The following ADAMTS19 variants were observed in gnomAD, a reference collection of about 807,000 sequenced individuals.
The protein encoded by ADAMTS19 is A disintegrin and metalloproteinase with thrombospondin motifs 19.
Under a neutral mutation model 153.3 loss-of-function variants are expected in ADAMTS19, and 93 were observed. The observed-to-expected ratio is 0.61, with a 90% CI of 0.51 to 0.72. ADAMTS19 has a LOEUF of 0.72. Among genes scored for constraint, ADAMTS19 ranks in the 30% least tolerant of loss-of-function variants. The pLI, the probability that ADAMTS19 is intolerant of heterozygous loss-of-function variation, is 0.00. For synonymous variants in ADAMTS19, 600 were observed against 556.6 expected (o/e 1.08, Z -1.10); for missense variants, 1,482 against 1,552.1 (o/e 0.95, Z 0.76).
chr5:129,519,949 T>C (rs578026799), intron 3 of ADAMTS19, among the ~76,000 whole-genome samples: 2 of 152,142 alleles, frequency 1.3e-5, no homozygotes, highest in African/African-American at 4.8e-5. Flanking sequence ...ATATGGTAAG[T>C]AGATTAAGTG....
chr5:129,684,035 A>AAC (rs1754951289), intron 17 of ADAMTS19, 85 bp from the exon 18 acceptor site: 1 of 1,378,728 alleles, frequency 7.3e-7, no homozygotes, highest in Non-Finnish European at 9.9e-7. Context: ...TGAGCATTTT[A>AAC]AGTATCAATA....
intron 7 of ADAMTS19, among the ~76,000 whole-genome samples, chr5:129,575,655 G>A (rs1401409291): frequency 6.6e-6 from 1 of 152,034 alleles, no homozygotes; most frequent in Admixed American, 6.6e-5. Flanking sequence ...AGCTGTTTCT[G>A]TGTAGACTGT....
intron 21 of ADAMTS19, among the ~76,000 whole-genome samples, chr5:129,718,332 T>A (rs1756822908): frequency 6.6e-6 from 1 of 152,088 alleles, no homozygotes; most frequent in African/African-American, 2.4e-5. Context: ...CAAGAAGAGT[T>A]TGAATGTTAG....
At chr5:129,474,432 A>T in intron 2 of ADAMTS19, among the ~76,000 whole-genome samples, 1 of 152,116 alleles carries the variant, frequency 6.6e-6, no homozygotes. Flanking sequence ...GACTGCAATT[A>T]CTAGGTCATA....
chr5:129,504,586 C>T (rs1414102003), intron 2 of ADAMTS19, among the ~76,000 whole-genome samples: 3 of 152,088 alleles, frequency 2.0e-5, no homozygotes, highest in Non-Finnish European at 2.9e-5. Flanking sequence ...GTCACCATGT[C>T]GTGCAGTAAA....
At chr5:129,705,297 G>A (rs1194718348) in intron 21 of ADAMTS19, among the ~76,000 whole-genome samples, 1 of 152,078 alleles carries the variant, frequency 6.6e-6, no homozygotes, top group African/African-American at 2.4e-5. Flanking sequence ...ATGGAGAGGA[G>A]TATAATAGTT....
At chr5:129,566,587 C>G (rs1370515131) in intron 7 of ADAMTS19, among the ~76,000 whole-genome samples, 1 of 152,174 alleles carries the variant, frequency 6.6e-6, no homozygotes, top group African/African-American at 2.4e-5. Context: ...GGATTCAACA[C>G]AGCCCACACT....
intron 8 of ADAMTS19, among the ~76,000 whole-genome samples, chr5:129,615,693 G>T (rs1372270024): frequency 1.3e-5 from 2 of 152,028 alleles, no homozygotes; most frequent in African/African-American, 4.8e-5. Context: ...AGAGCAGGAG[G>T]ACAATCAGGC....
intron 11 of ADAMTS19, among the ~76,000 whole-genome samples, chr5:129,645,228 A>G (rs1561623781): frequency 1.3e-5 from 2 of 152,242 alleles, no homozygotes. Flanking sequence ...TGTTTTCAAC[A>G]ATACATAACT....
At chr5:129,544,151 T>C (rs1009856036) in intron 6 of ADAMTS19, among the ~76,000 whole-genome samples, 1 of 152,214 alleles carries the variant, frequency 6.6e-6, no homozygotes, top group African/African-American at 2.4e-5. Context: ...CTTATACTCA[T>C]GGCTAGCAAC....
intron 7 of ADAMTS19, among the ~76,000 whole-genome samples, chr5:129,583,210 T>C (rs928101159): frequency 6.6e-6 from 1 of 152,210 alleles, no homozygotes; most frequent in African/African-American, 2.4e-5. Context: ...TTGAAAATTC[T>C]TTTCTTCAAG....
At chr5:129,576,286 A>G (rs569792368) in intron 7 of ADAMTS19, among the ~76,000 whole-genome samples, 2 of 151,912 alleles carry the variant, frequency 1.3e-5, no homozygotes, top group South Asian at 4.1e-4. Context: ...ATCATCTTTC[A>G]TCTTCTTCCT....
chr5:129,605,996 A>G (rs185441366), intron 8 of ADAMTS19, among the ~76,000 whole-genome samples: 11 of 152,290 alleles, frequency 7.2e-5, no homozygotes, highest in Admixed American at 7.2e-4. Context: ...TGAACCAGAG[A>G]AAAAGGTCTA....
At chr5:129,588,189 CA>C (rs1386856911) in intron 7 of ADAMTS19, among the ~76,000 whole-genome samples, 1 of 152,004 alleles carries the variant, frequency 6.6e-6, no homozygotes, top group Admixed American at 6.6e-5. Context: ...TTCTTTGATC[CA>C]TACATTATTT....
intron 7 of ADAMTS19, among the ~76,000 whole-genome samples, chr5:129,560,795 CAT>C (rs111969217): frequency 0.024 from 3,605 of 152,250 alleles, 114 homozygotes; most frequent in African/African-American, 0.078. Context: ...TCAACATTCA[CAT>C]GTGTTGTGAC....
chr5:129,692,071 G>T (rs1357739270), intron 18 of ADAMTS19, among the ~76,000 whole-genome samples: 2 of 152,068 alleles, frequency 1.3e-5, no homozygotes, highest in Non-Finnish European at 2.9e-5. Context: ...AAGTGTCAAG[G>T]CTTCAAGTTA....
chr5:129,597,860 C>T (rs985651747), intron 8 of ADAMTS19, among the ~76,000 whole-genome samples: 2 of 150,312 alleles, frequency 1.3e-5, no homozygotes, highest in Non-Finnish European at 1.5e-5. Context: ...TGAGATTACG[C>T]CACTGCACTC....
chr5:129,684,031 T>A (rs1754950888), intron 17 of ADAMTS19, 89 bp from the exon 18 acceptor site: 1 of 1,374,588 alleles, frequency 7.3e-7, no homozygotes, highest in Non-Finnish European at 9.9e-7. Context: ...ACAATGAGCA[T>A]TTTAAGTATC....
chr5:129,478,113 A>G lies in ADAMTS19; in HGVS notation c.747+16356A>G, dbSNP rs1295846446. On this transcript the variant is annotated intron_variant, in intron 2 of 22. Coordinates refer to ENST00000274487, the MANE Select transcript of ADAMTS19 (RefSeq NM_133638.6). ...TTATAAACTGTATTTACAAATTCTT[A>G]TGGCTGTAGTAAGGTTACATACTTT... is the stretch of plus-strand genomic sequence containing the variant. 3.3e-5 allele frequency among the ~76,000 whole-genome samples: 5 copies of G among 152,240 alleles called. No homozygotes were observed. In the East Asian group the frequency reaches 9.6e-4, roughly 29 times the overall value.
Sources: gnomAD v4.1 joint callset for allele counts (sites outside exome capture counted in the v4.1 genomes callset) on GRCh38, gnomAD v4.1.1 for gene constraint, MANE v1.5 for transcripts, NCBI Gene and HGNC (gene_info 2026-07-23, HGNC 2026-07-21) for gene names.